The following FMN1 variants were observed in gnomAD, a reference collection of about 807,000 sequenced individuals.
FMN1 encodes the protein formin-1.
Under a neutral mutation model 132.4 loss-of-function variants are expected in FMN1, and 110 were observed. The ratio of observed to expected loss-of-function variants is 0.83; its 90% CI spans 0.71 to 0.97. The LOEUF is 0.97. Among genes scored for constraint, FMN1 ranks in the 50% least tolerant of loss-of-function variants. FMN1 has a pLI of 0.00. For missense variants in FMN1, 1,792 were observed against 1,705.3 expected (o/e 1.05, Z -0.90); for synonymous variants, 722 against 651.7 (o/e 1.11, Z -1.64).
intron 3 of FMN1, among the ~76,000 whole-genome samples, chr15:33,161,811 A>G (rs1964904261): frequency 6.6e-6 from 1 of 151,904 alleles, no homozygotes; most frequent in Non-Finnish European, 1.5e-5. Context: ...CCAGCTACTC[A>G]GGAGGCTGAG....
intron 6 of FMN1, among the ~76,000 whole-genome samples, chr15:33,062,210 T>A: frequency 6.6e-6 from 1 of 152,232 alleles, no homozygotes; most frequent in Non-Finnish European, 1.5e-5. Context: ...ATAGCAATTC[T>A]ACCTATAAGC....
chr15:32,802,495 G>A (rs549024761), intron 18 of FMN1, among the ~76,000 whole-genome samples: 50 of 152,274 alleles, frequency 3.3e-4, no homozygotes, highest in Middle Eastern at 3.4e-3. Context: ...TCCTTAAAGA[G>A]TATAACCAAA....
chr15:32,907,992 A>G (rs1276495391), intron 12 of FMN1, among the ~76,000 whole-genome samples: 1 of 152,152 alleles, frequency 6.6e-6, no homozygotes, highest in African/African-American at 2.4e-5. Context: ...AGAGAAAAAC[A>G]AGCATGTACA....
rs115666464 is a variant in FMN1, at chr15:33,173,522, C to T, written c.-132+6676G>A. Among the ~76,000 whole-genome samples, 455 of 152,358 alleles carry T rather than the reference C, an allele frequency of 3.0e-3. 2 individuals carry two copies. The highest frequency in any genetic ancestry group is 0.011 in the African/African-American group (438 of 41,588). ...TCAAAATGGTCATTGGAAAAGTCTGCTGTAACCAGCATAGCACCATTTTAA... is the reference window on the plus strand; with the variant it reads ...TCAAAATGGTCATTGGAAAAGTCTGTTGTAACCAGCATAGCACCATTTTAA... On this transcript the variant is annotated intron_variant, in intron 3 of 20. Transcript: ENST00000616417.
At chr15:33,143,601 C>A (rs1365450435) in intron 4 of FMN1, among the ~76,000 whole-genome samples, 1 of 152,034 alleles carries the variant, frequency 6.6e-6, no homozygotes, top group African/African-American at 2.4e-5. Flanking sequence ...GATGGGACAC[C>A]AAGAACAAAG....
intron 18 of FMN1, among the ~76,000 whole-genome samples, chr15:32,803,116 T>C (rs2057536415): frequency 6.6e-6 from 1 of 152,172 alleles, no homozygotes; most frequent in South Asian, 2.1e-4. Context: ...AAATTGTGGC[T>C]AGACAGGAGG....
intron 3 of FMN1, among the ~76,000 whole-genome samples, chr15:33,169,734 C>G (rs867795883): frequency 8.0e-6 from 1 of 125,722 alleles, no homozygotes; most frequent in Non-Finnish European, 1.7e-5. Context: ...TTTTTTTTTT[C>G]TTTTCCTTTT....
In FMN1 at chr15:32,873,879, G is replaced by A. The variant is rs183806568; in HGVS notation, c.3835+14293C>T. The stretch of plus-strand genomic sequence containing the variant: ...GCAAGGAATTTGTCTCTGTCTTTGG[G>A]ATGAGTCAGGTATATGTAATATGAC... On this transcript the variant is annotated intron_variant, in intron 16 of 20. Coordinates refer to ENST00000616417, the MANE Select transcript of FMN1 (RefSeq NM_001277313.2). Among the ~76,000 whole-genome samples, 69 of 152,186 alleles carry A rather than the reference G, an allele frequency of 4.5e-4. 1 individual carries two copies. Among genetic ancestry groups the A allele is most frequent in the Middle Eastern group, 3.4e-3 (1 of 294 alleles).
At chr15:32,974,962 A>C (rs1199997461) in intron 7 of FMN1, among the ~76,000 whole-genome samples, 1 of 152,162 alleles carries the variant, frequency 6.6e-6, no homozygotes, top group Non-Finnish European at 1.5e-5. Context: ...ATGGCTCTTC[A>C]AAACTTGGCC....
intron 19 of FMN1, among the ~76,000 whole-genome samples, chr15:32,786,014 C>T (rs1024310078): frequency 2.6e-5 from 4 of 152,140 alleles, no homozygotes; most frequent in South Asian, 2.1e-4. Context: ...AAAATGGATA[C>T]GGTATGCTCT....
intron 4 of FMN1, among the ~76,000 whole-genome samples, chr15:33,119,008 T>C (rs1001698809): frequency 3.3e-5 from 5 of 152,176 alleles, no homozygotes; most frequent in South Asian, 2.1e-4. Context: ...ATTTAAAAAA[T>C]TGGAGATCAG....
At chr15:32,785,122 G>A (rs535059308) in intron 19 of FMN1, among the ~76,000 whole-genome samples, 91 of 144,300 alleles carry the variant, frequency 6.3e-4, no homozygotes, top group Admixed American at 1.5e-3. Flanking sequence ...TAACTCTTAA[G>A]TATGATGCTA....
chr15:33,165,450 G>A (rs1258525743), intron 3 of FMN1, among the ~76,000 whole-genome samples: 1 of 152,204 alleles, frequency 6.6e-6, no homozygotes, highest in Non-Finnish European at 1.5e-5. Flanking sequence ...GAGTGCAGTG[G>A]CGCGATCTCG....
chr15:33,153,485 T>A lies in FMN1; in HGVS notation c.1430A>T (p.Lys477Ile). The change falls in exon 4 of 21, where the codon AAA (lysine) becomes ATA (isoleucine). Residue 477 changes from lysine to isoleucine, a missense_variant. Coordinates refer to ENST00000616417, the MANE Select transcript of FMN1 (RefSeq NM_001277313.2). ...GGGTTGTGAGGAGTCAGGACCTACT[T>A]TGTGGGGCAGATCCAGAAACAAGGA... Reference protein sequence around the residue: ...HKSLFLDLPHKVGPDSSQPRG... With the variant: ...HKSLFLDLPHIVGPDSSQPRG... 1 of 1,536,614 alleles carries A rather than the reference T, an allele frequency of 6.5e-7. No individual in the cohort carries two copies. Among genetic ancestry groups the A allele is most frequent in the Non-Finnish European group, 8.7e-7 (1 of 1,147,008 alleles).
chr15:33,100,547 A>G (rs1005525508), intron 4 of FMN1, among the ~76,000 whole-genome samples: 5 of 152,168 alleles, frequency 3.3e-5, no homozygotes, highest in Admixed American at 3.3e-4. Flanking sequence ...GGGAGAGGGA[A>G]AAAGAGGAAG....
chr15:32,844,403 G>A (rs1324008351), intron 17 of FMN1, among the ~76,000 whole-genome samples: 1 of 152,032 alleles, frequency 6.6e-6, no homozygotes, highest in Non-Finnish European at 1.5e-5. Flanking sequence ...ATGGAATTAT[G>A]TACATCCCTT....
chr15:32,969,388 G>C lies in FMN1; in HGVS notation c.2313C>G (p.His771Gln), dbSNP rs201323676. The change falls in exon 8 of 21, where the codon CAC becomes CAG. Residue 771 changes from histidine to glutamine, a missense_variant. Physicochemically the swap from His to Gln is conservative, Grantham distance 24. This residue lies in a region of FMN1 where 1,150 missense variants were observed against 1,043.1 expected (regional missense o/e 1.10). Transcript: ENST00000616417. ...CCCCTCGCCATCTGTGTTCTAGCTC[G>C]TGTTTCAGATTTTCAATGGTTTCTT... ...RLEETIENLKHELEHRWRGGC... is the reference protein window; with the variant it reads ...RLEETIENLKQELEHRWRGGC... 12 of 1,613,794 alleles carry C rather than the reference G, an allele frequency of 7.4e-6. No individual in the cohort carries two copies. In the Admixed American group the frequency reaches 2.0e-4, roughly 27 times the overall value.
intron 9 of FMN1, among the ~76,000 whole-genome samples, chr15:32,930,630 C>T (rs2061089411): frequency 6.6e-6 from 1 of 151,676 alleles, no homozygotes; most frequent in South Asian, 2.1e-4. Context: ...TGTAAGTTGT[C>T]TTTTTACTCC....
chr15:32,816,362 C>T (rs1020872768), intron 17 of FMN1, among the ~76,000 whole-genome samples: 12 of 152,150 alleles, frequency 7.9e-5, no homozygotes, highest in African/African-American at 2.9e-4. Context: ...ATATCACACA[C>T]ATTATATATA....
Sources: allele counts gnomAD v4.1 joint callset (sites outside exome capture counted in the v4.1 genomes callset), GRCh38; gene constraint gnomAD v4.1.1; regional missense constraint gnomAD v4.1.1; transcripts MANE v1.5; gene names NCBI Gene and HGNC (gene_info 2026-07-23, HGNC 2026-07-21).